SLC30A10: variants seen among roughly 807,000 people sequenced by gnomAD.
The protein encoded by SLC30A10 is calcium/manganese antiporter SLC30A10.
SLC30A10 carries 8 observed loss-of-function variants against 21.7 expected under a neutral mutation model. The observed-to-expected ratio is 0.37, with a 90% confidence interval of 0.22 to 0.67. The LOEUF (loss-of-function observed/expected upper bound fraction) is 0.67. SLC30A10 is among the 30% of genes least tolerant of loss of function. The pLI is 0.58. For synonymous variants in SLC30A10, 272 were observed against 279.4 expected, an observed-to-expected ratio of 0.97 and a Z score of 0.26; for missense variants, 521 against 642.5, an observed-to-expected ratio of 0.81 and a Z score of 2.04.
At position 219,915,338 on chromosome 1, in the gene SLC30A10, A is replaced by C. The variant is rs1170379628; in HGVS notation, c.*111T>G. 1 of 1,344,150 alleles carries C rather than the reference A, an allele frequency of 7.4e-7. No individual in the cohort carries two copies. The highest frequency in any genetic ancestry group is 1.0e-6 in the Non-Finnish European group (1 of 973,864). The allele number at this position is 1,344,150 out of a possible 1,614,324, so 83.3% of individuals were successfully genotyped here. On this transcript the variant is annotated 3_prime_UTR_variant, in exon 4 of 4. Coordinates refer to ENST00000366926, the MANE Select transcript of SLC30A10 (RefSeq NM_018713.3). ...AGCCAACCCCTAGTGAACACAGAGC[A>C]TGCATGCTGCAAGTCTAGTCTGGGC...
At chr1:219,925,651 A>ATATATATTTTTTTT (rs1317554458) in intron 2 of SLC30A10, among the ~76,000 whole-genome samples, 6 of 48,280 alleles carry the variant, frequency 1.2e-4, no homozygotes, top group Admixed American at 3.9e-4. Context: ...ATATATATAT[A>ATATATATTTTTTTT]TTTTTTTTTT....
upstream of SLC30A10, among the ~76,000 whole-genome samples, chr1:219,931,146 A>G (rs561945781): frequency 6.6e-6 from 1 of 152,358 alleles, no homozygotes; most frequent in African/African-American, 2.4e-5. Flanking sequence ...TGCTAATTGC[A>G]TGTCTTTGTC....
Position 219,917,957 on chromosome 1 carries a change from C to T in SLC30A10, c.958+298G>A, listed in dbSNP as rs6694129. 0.038 allele frequency among the ~76,000 whole-genome samples: 5,713 copies of T among 152,146 alleles called. 376 individuals carry two copies. The highest frequency in any genetic ancestry group is 0.13 in the African/African-American group (5,427 of 41,472). Reference sequence around the variant, plus strand: ...TGAACTTCTGACCTCAGGTGACTCACCCACCTCTGCCTCCCAGAGTGCCAG... The same window carrying T: ...TGAACTTCTGACCTCAGGTGACTCATCCACCTCTGCCTCCCAGAGTGCCAG... On this transcript the variant is annotated intron_variant, in intron 3 of 3. Coordinates refer to ENST00000366926, the MANE Select transcript of SLC30A10 (RefSeq NM_018713.3).
chr1:219,943,615 T>C (rs1255805989), intron 1 of SLC30A10, among the ~76,000 whole-genome samples: 2 of 152,138 alleles, frequency 1.3e-5, no homozygotes, highest in Non-Finnish European at 2.9e-5. Flanking sequence ...GACACTGACA[T>C]TGAGGTAGCA....
At chr1:219,945,607 C>A (rs927663688) in intron 1 of SLC30A10, among the ~76,000 whole-genome samples, 1 of 152,080 alleles carries the variant, frequency 6.6e-6, no homozygotes, top group African/African-American at 2.4e-5. Context: ...AGAATAAGAT[C>A]AAATATTATC....
intron 1 of SLC30A10, among the ~76,000 whole-genome samples, chr1:219,949,608 G>A (rs1038170788): frequency 6.6e-6 from 1 of 152,086 alleles, no homozygotes; most frequent in Non-Finnish European, 1.5e-5. Flanking sequence ...GGACTGTTGG[G>A]GGGAGCGGGA....
intron 2 of SLC30A10, among the ~76,000 whole-genome samples, chr1:219,919,322 G>T (rs1485239086): frequency 6.6e-6 from 1 of 152,100 alleles, no homozygotes; most frequent in African/African-American, 2.4e-5. Context: ...TTGGTTTTGG[G>T]GGATTTTGTT....
chr1:219,933,033 C>A (rs1266605404), upstream of SLC30A10, among the ~76,000 whole-genome samples: 1 of 150,636 alleles, frequency 6.6e-6, no homozygotes, highest in Non-Finnish European at 1.5e-5. Context: ...TGTACTCCAG[C>A]CTGGGCAACA....
At chr1:219,952,317 A>T (rs1660281952) in intron 1 of SLC30A10, among the ~76,000 whole-genome samples, 1 of 152,216 alleles carries the variant, frequency 6.6e-6, no homozygotes, top group Non-Finnish European at 1.5e-5. Flanking sequence ...AGATTTACAG[A>T]TGAAGAAACT....
rs59792236 is a variant in SLC30A10, at chr1:219,912,170, C to CAAAAAAAAAAAAAA, written c.*3265_*3278dup. ...CCACTGGAATTTGCTCTACCAATGGCAAAAAAAAAAAAAAAAAAAAAAAAA... is the reference window on the plus strand; with the variant it reads ...CCACTGGAATTTGCTCTACCAATGGCAAAAAAAAAAAAAAAAAAAAAAAAAAAAAAAAAAAAAAA... On this transcript the variant is annotated 3_prime_UTR_variant, in exon 4 of 4. Coordinates refer to ENST00000366926, the MANE Select transcript of SLC30A10 (RefSeq NM_018713.3). 1.3e-5 allele frequency among the ~76,000 whole-genome samples: 1 copy of CAAAAAAAAAAAAAA among 74,698 alleles called. No individual in the cohort carries two copies. The highest frequency in any genetic ancestry group is 2.5e-5 in the Non-Finnish European group (1 of 39,910). 49.0% of individuals were successfully genotyped at this position (74,698 alleles called of 152,430 possible). A position where few individuals can be genotyped will look rare whatever the true frequency, so the allele number is the denominator to read the frequency against.
At position 219,911,581 on chromosome 1, in the gene SLC30A10, A is replaced by G. The variant is rs1029697263; in HGVS notation, c.*3868T>C. On this transcript the variant is annotated 3_prime_UTR_variant, in exon 4 of 4. Transcript: ENST00000366926. ...TCATTTACTGTTATAATGACTGATG[A>G]GTATAAAGGGATTTATAAGGGCTTT... is the stretch of plus-strand genomic sequence containing the variant. Among the ~76,000 whole-genome samples, 5 of 152,156 alleles carry G rather than the reference A, an allele frequency of 3.3e-5. No individual in the cohort carries two copies. The highest frequency in any genetic ancestry group is 1.2e-4 in the African/African-American group (5 of 41,426).
intron 1 of SLC30A10, among the ~76,000 whole-genome samples, chr1:219,947,755 G>T (rs1346056754): frequency 6.6e-6 from 1 of 151,952 alleles, no homozygotes; most frequent in Admixed American, 6.6e-5. Flanking sequence ...ACTTGAACCC[G>T]GGGGGCAGAG....
chr1:219,951,660 G>T (rs569859938), intron 1 of SLC30A10, among the ~76,000 whole-genome samples: 16 of 151,898 alleles, frequency 1.1e-4, no homozygotes, highest in African/African-American at 3.9e-4. Context: ...GGCGGAGCTT[G>T]CAGTGAGCCA....
intron 1 of SLC30A10, among the ~76,000 whole-genome samples, chr1:219,943,065 T>C (rs1278630756): frequency 6.6e-6 from 1 of 151,756 alleles, no homozygotes. Context: ...ATAAAAATAA[T>C]CATGAAATAC....
intron 1 of SLC30A10, among the ~76,000 whole-genome samples, chr1:219,941,725 TC>T (rs1393504322): frequency 1.3e-5 from 2 of 148,962 alleles, no homozygotes; most frequent in East Asian, 4.1e-4. Flanking sequence ...TCTCCCCTTC[TC>T]CCTCTCTCAT....
intron 2 of SLC30A10, among the ~76,000 whole-genome samples, chr1:219,922,175 T>TG (rs1279471686): frequency 3.7e-5 from 1 of 27,024 alleles, no homozygotes; most frequent in Non-Finnish European, 7.3e-5. Flanking sequence ...TGTGTGTGTG[T>TG]GTTTTTTTTT....
intron 1 of SLC30A10, among the ~76,000 whole-genome samples, chr1:219,941,688 TTCTC>T (rs148839566): frequency 1.6e-4 from 22 of 134,018 alleles, no homozygotes; most frequent in African/African-American, 4.1e-4. Context: ...CTTTCTCCCT[TTCTC>T]TCTCTCTCTC....
At chr1:219,949,849 C>T (rs1660244386) in intron 1 of SLC30A10, among the ~76,000 whole-genome samples, 1 of 151,924 alleles carries the variant, frequency 6.6e-6, no homozygotes, top group South Asian at 2.1e-4. Context: ...TTTCAAAAAG[C>T]CACAATGACT....
intron 1 of SLC30A10, among the ~76,000 whole-genome samples, chr1:219,946,799 A>T (rs566425353): frequency 9.2e-5 from 14 of 152,272 alleles, no homozygotes; most frequent in Admixed American, 1.3e-4. Flanking sequence ...CAATTGTGAC[A>T]TCCAAGCTAC....
Sources: gnomAD v4.1 joint callset for allele counts (sites outside exome capture counted in the v4.1 genomes callset) on GRCh38, gnomAD v4.1.1 for gene constraint, MANE v1.5 for transcripts, NCBI Gene and HGNC (gene_info 2026-07-23, HGNC 2026-07-21) for gene names.